Variants in VIT observed in about 807,000 individuals in gnomAD.
VIT encodes vitrin.
Under a neutral mutation model 78.0 loss-of-function variants are expected in VIT, and 99 were observed. The ratio of observed to expected loss-of-function variants is 1.27; its 90% CI spans 1.08 to 1.50. VIT has a LOEUF of 1.50. VIT is among the 40% of genes most tolerant of loss of function. The pLI, the probability that VIT is intolerant of heterozygous loss-of-function variation, is 0.00. For missense variants in VIT, 1,126 were observed against 875.3 expected (o/e 1.29, Z -3.61); for synonymous variants, 374 against 334.3 (o/e 1.12, Z -1.29).
intron 6 of VIT, chr2:36,759,605 T>C: frequency 9.8e-7 from 1 of 1,022,554 alleles, no homozygotes; most frequent in Non-Finnish European, 1.2e-6. Flanking sequence ...AATCAAGAAC[T>C]GTACTATGCA....
intron 12 of VIT, chr2:36,788,082 C>T (rs1406604383): frequency 1.1e-5 from 3 of 269,330 alleles, no homozygotes; most frequent in African/African-American, 4.6e-5. Context: ...TTTATACACA[C>T]ATCTTAAATA....
chr2:36,729,622 T>A, intron 3 of VIT, 131 bp downstream of exon 3: 1 of 872,244 alleles, frequency 1.1e-6, no homozygotes, highest in Non-Finnish European at 1.8e-6. Context: ...CCACTCAGAT[T>A]AATTAGTGAT....
At chr2:36,774,341 G>A (rs1404783075) in intron 8 of VIT, among the ~76,000 whole-genome samples, 11 of 152,132 alleles carry the variant, frequency 7.2e-5, no homozygotes, top group South Asian at 2.1e-4. Context: ...TGGTTTGGCC[G>A]AAGAACTAGG....
Position 36,801,290 on chromosome 2 carries a change from T to A in VIT, c.1059-11T>A, listed in dbSNP as rs1448775088. On this transcript the variant is annotated splice_polypyrimidine_tract_variant and intron_variant, in intron 12 of 15. Transcript: ENST00000379242. ...TGCAGCTAATTTGTATTTCTTGTTC[T>A]GACTCTTCAGAGACAACCCTGCTAC... The A allele has an allele frequency of 3.7e-6, 6 of 1,609,760 alleles. No individual in the cohort carries two copies. Among genetic ancestry groups the A allele is most frequent in the Non-Finnish European group, 5.1e-6 (6 of 1,176,286 alleles).
At chr2:36,743,376 T>C (rs1271560876) in intron 4 of VIT, 120 bp downstream of exon 4, 18 of 1,099,844 alleles carry the variant, frequency 1.6e-5, no homozygotes, top group Non-Finnish European at 2.1e-5. Context: ...GCTCAAAATC[T>C]TTATTTAATC....
chr2:36,766,118 A>G (rs1236718430), intron 6 of VIT, among the ~76,000 whole-genome samples: 1 of 152,234 alleles, frequency 6.6e-6, no homozygotes, highest in African/African-American at 2.4e-5. Flanking sequence ...AAACCTTCAG[A>G]GATATTCTCA....
chr2:36,724,141 C>T, intron 2 of VIT, among the ~76,000 whole-genome samples: 1 of 151,892 alleles, frequency 6.6e-6, no homozygotes, highest in African/African-American at 2.4e-5. Context: ...ACCTCAGCCT[C>T]CCGAGTAGCT....
chr2:36,721,504 C>T (rs996205324), intron 2 of VIT, among the ~76,000 whole-genome samples: 1 of 152,082 alleles, frequency 6.6e-6, no homozygotes. Flanking sequence ...CCTCATTTTC[C>T]ACCATACCCC....
At chr2:36,765,447 G>GA (rs759255390) in intron 6 of VIT, among the ~76,000 whole-genome samples, 4 of 148,776 alleles carry the variant, frequency 2.7e-5, no homozygotes, top group East Asian at 2.0e-4. Context: ...GAGAGAGAGA[G>GA]GAAAAACTGC....
At chr2:36,791,749 G>C (rs937794846) in intron 12 of VIT, among the ~76,000 whole-genome samples, 4 of 152,204 alleles carry the variant, frequency 2.6e-5, no homozygotes, top group Non-Finnish European at 4.4e-5. Context: ...CTCTAGAGAG[G>C]GGCACAGCTC....
intron 2 of VIT, 101 bp from the exon 3 acceptor site, chr2:36,729,325 T>C (rs1199178150): frequency 2.0e-6 from 2 of 992,698 alleles, no homozygotes; most frequent in South Asian, 1.8e-5. Context: ...AGTTCTGCCA[T>C]GGAGAATACT....
intron 12 of VIT, among the ~76,000 whole-genome samples, chr2:36,790,241 G>A (rs577643542): frequency 6.0e-4 from 92 of 152,206 alleles, no homozygotes; most frequent in African/African-American, 2.1e-3. Context: ...AGGGAGATTC[G>A]TGGAAAGGAA....
chr2:36,702,689 G>T (rs1032418299), intron 1 of VIT, among the ~76,000 whole-genome samples: 6 of 152,218 alleles, frequency 3.9e-5, no homozygotes, highest in African/African-American at 1.4e-4. Flanking sequence ...TGAGAGGCAG[G>T]GACAGGCCTC....
At chr2:36,757,342 A>T (rs1047071537) in intron 5 of VIT, among the ~76,000 whole-genome samples, 10 of 152,204 alleles carry the variant, frequency 6.6e-5, no homozygotes, top group African/African-American at 2.4e-4. Flanking sequence ...GGCCCGCATG[A>T]TCTTTACACA....
chr2:36,808,062 C>G (rs1370747217), intron 14 of VIT, among the ~76,000 whole-genome samples: 1 of 152,242 alleles, frequency 6.6e-6, no homozygotes, highest in East Asian at 1.9e-4. Context: ...TGTATGTCAT[C>G]TCTTTTCCGA....
intron 2 of VIT, among the ~76,000 whole-genome samples, chr2:36,721,036 C>G (rs185005158): frequency 3.3e-4 from 50 of 151,576 alleles, no homozygotes; most frequent in Non-Finnish European, 2.5e-4. Context: ...TACAAACTTT[C>G]AGTTATAAGA....
intron 1 of VIT, among the ~76,000 whole-genome samples, chr2:36,710,742 C>T (rs1483163095): frequency 1.3e-5 from 2 of 152,148 alleles, no homozygotes; most frequent in Non-Finnish European, 2.9e-5. Flanking sequence ...ATCGTTCATT[C>T]CTTTTTATTG....
intron 12 of VIT, among the ~76,000 whole-genome samples, chr2:36,800,636 C>T (rs755707623): frequency 4.6e-5 from 7 of 152,250 alleles, no homozygotes; most frequent in East Asian, 1.9e-4. Context: ...CCCTCCTGCA[C>T]GCCTCCACAC....
At chr2:36,704,386 A>G (rs1165731778) in intron 1 of VIT, among the ~76,000 whole-genome samples, 1 of 152,212 alleles carries the variant, frequency 6.6e-6, no homozygotes, top group Non-Finnish European at 1.5e-5. Flanking sequence ...AGTTATTACT[A>G]TGGGCATGAA....
Sources: allele counts gnomAD v4.1 joint callset (sites outside exome capture counted in the v4.1 genomes callset), GRCh38; gene constraint gnomAD v4.1.1; transcripts MANE v1.5; gene names NCBI Gene and HGNC (gene_info 2026-07-23, HGNC 2026-07-21).